HECW1: variants seen among roughly 807,000 people sequenced by gnomAD.
The protein encoded by HECW1 is E3 ubiquitin-protein ligase HECW1.
In HECW1, 61 loss-of-function variants were observed where a neutral mutation model predicts 182.3. The ratio of observed to expected loss-of-function variants is 0.33; its 90% CI spans 0.27 to 0.41. The LOEUF (loss-of-function observed/expected upper bound fraction) is 0.41. HECW1 is among the 10% of genes least tolerant of loss of function. The pLI is 1.00. For missense variants in HECW1, 1,739 were observed against 2,108.9 expected (o/e 0.82, Z 3.44); for synonymous variants, 859 against 832.6 (o/e 1.03, Z -0.55).
chr7:43,381,485 C>T (rs1239590759), intron 6 of HECW1, among the ~76,000 whole-genome samples: 1 of 135,696 alleles, frequency 7.4e-6, no homozygotes, highest in Non-Finnish European at 1.5e-5. Context: ...CCATGCATGG[C>T]TAATTTTTTT....
chr7:43,216,065 C>T (rs551113627), intron 2 of HECW1, among the ~76,000 whole-genome samples: 2 of 152,302 alleles, frequency 1.3e-5, no homozygotes, highest in East Asian at 3.9e-4. Flanking sequence ...CCTATTCTGT[C>T]TGTCATTTTA....
chr7:43,361,073 TGTG>T, intron 6 of HECW1, 93 bp downstream of exon 6: 1 of 723,174 alleles, frequency 1.4e-6, no homozygotes, highest in South Asian at 1.7e-5. Flanking sequence ...TGTGTGTGTG[TGTG>T]TGTGTGTGTG....
At chr7:43,254,848 T>A (rs1800398255) in intron 3 of HECW1, among the ~76,000 whole-genome samples, 1 of 152,108 alleles carries the variant, frequency 6.6e-6, no homozygotes, top group Non-Finnish European at 1.5e-5. Flanking sequence ...TTTGCTAGAG[T>A]CATTTATACA....
intron 16 of HECW1, 114 bp from the exon 17 acceptor site, chr7:43,479,496 G>A: frequency 8.0e-7 from 1 of 1,244,242 alleles, no homozygotes; most frequent in Non-Finnish European, 1.1e-6. Flanking sequence ...GGTAGGGGAG[G>A]CTGGGCAGAA....
intron 2 of HECW1, among the ~76,000 whole-genome samples, chr7:43,129,615 G>A (rs1014067195): frequency 6.6e-6 from 1 of 152,082 alleles, no homozygotes; most frequent in Admixed American, 6.6e-5. Context: ...ATATTAAATA[G>A]GTAATTGAAA....
chr7:43,290,580 T>G (rs757625827), intron 3 of HECW1, among the ~76,000 whole-genome samples: 4 of 152,170 alleles, frequency 2.6e-5, no homozygotes, highest in Non-Finnish European at 5.9e-5. Context: ...GGAATTCCAT[T>G]TTTCAGGTTC....
At position 43,150,377 on chromosome 7, in the gene HECW1, C is replaced by CATTTT. The variant is rs373108013; in HGVS notation, c.-32+36003_-32+36007dup. Among the ~76,000 whole-genome samples, 1,259 of 152,180 alleles carry CATTTT rather than the reference C, an allele frequency of 8.3e-3. 13 individuals are homozygous for CATTTT. Among genetic ancestry groups the CATTTT allele is most frequent in the Admixed American group, 0.029 (443 of 15,278 alleles). On this transcript the variant is annotated intron_variant, in intron 2 of 29. Transcript: ENST00000395891. Reference sequence around the variant, plus strand: ...CCGTCACTGAACCAGCATTTTATTTCATTTTATTTTATTTTATTTTAGATT... The same window carrying CATTTT: ...CCGTCACTGAACCAGCATTTTATTTCATTTTATTTTATTTTATTTTATTTTAGATT...
chr7:43,512,678 A>G lies in HECW1; in HGVS notation c.4019+3557A>G, dbSNP rs1474474592. ...ACTGGAAGAATTATTACTGCTTAACATACACACATTTAATACCGATTGGTT... is the reference window on the plus strand; with the variant it reads ...ACTGGAAGAATTATTACTGCTTAACGTACACACATTTAATACCGATTGGTT... On this transcript the variant is annotated intron_variant, in intron 24 of 29. Coordinates refer to ENST00000395891, the MANE Select transcript of HECW1 (RefSeq NM_015052.5). 3.9e-5 allele frequency among the ~76,000 whole-genome samples: 6 copies of G among 152,250 alleles called. No homozygotes were observed. The East Asian group carries it at 1.2e-3, about 29-fold the overall frequency.
intron 3 of HECW1, among the ~76,000 whole-genome samples, chr7:43,282,398 A>G (rs1177028467): frequency 6.6e-6 from 1 of 152,246 alleles, no homozygotes; most frequent in East Asian, 1.9e-4. Context: ...AGCTGGCGAC[A>G]AGGGTCAGAT....
At chr7:43,316,704 C>T (rs6968255) in intron 4 of HECW1, among the ~76,000 whole-genome samples, 20,491 of 147,464 alleles carry the variant, frequency 0.14, 5,005 homozygotes, top group African/African-American at 0.51. Context: ...ACCCATTCCA[C>T]ACTGAGGTGG....
At chr7:43,119,088 C>G (rs1785331534) in intron 2 of HECW1, 1 of 152,276 alleles carries the variant, frequency 6.6e-6, no homozygotes, top group African/African-American at 2.4e-5. Context: ...AAATATGACA[C>G]ACACCCACCA....
chr7:43,479,571 C>T (rs984986975), intron 16 of HECW1, 39 bp from the exon 17 acceptor site: 6 of 1,612,738 alleles, frequency 3.7e-6, no homozygotes, highest in East Asian at 2.2e-5. Context: ...GGCCTATTCT[C>T]ACACCACACG....
At chr7:43,132,171 C>G (rs1169452435) in intron 2 of HECW1, among the ~76,000 whole-genome samples, 4 of 151,762 alleles carry the variant, frequency 2.6e-5, no homozygotes, top group Non-Finnish European at 4.4e-5. Flanking sequence ...ACAGCGCCCC[C>G]CCGCCCCAAG....
chr7:43,469,921 G>A (rs1160823516), intron 16 of HECW1, among the ~76,000 whole-genome samples: 2 of 152,176 alleles, frequency 1.3e-5, no homozygotes, highest in Non-Finnish European at 2.9e-5. Flanking sequence ...CCCAAAGGGA[G>A]CTGATGGGGC....
intron 2 of HECW1, among the ~76,000 whole-genome samples, chr7:43,125,499 G>T (rs576931251): frequency 1.3e-5 from 2 of 152,060 alleles, no homozygotes; most frequent in African/African-American, 4.8e-5. Context: ...GCTCACGCCT[G>T]TAATCCCAGC....
At chr7:43,247,965 AAG>A (rs1462027203) in intron 3 of HECW1, among the ~76,000 whole-genome samples, 27 of 132,424 alleles carry the variant, frequency 2.0e-4, no homozygotes, top group Non-Finnish European at 3.8e-4. Context: ...AGGAAAGAAA[AAG>A]AGAAAGGAAA....
intron 2 of HECW1, among the ~76,000 whole-genome samples, chr7:43,169,334 C>T (rs56168949): frequency 0.086 from 13,048 of 152,162 alleles, 704 homozygotes; most frequent in African/African-American, 0.15. Flanking sequence ...GGCTGACCTG[C>T]GCATGGCAGG....
At chr7:43,174,727 T>TG (rs1562631907) in intron 2 of HECW1, among the ~76,000 whole-genome samples, 1 of 152,192 alleles carries the variant, frequency 6.6e-6, no homozygotes, top group East Asian at 1.9e-4. Flanking sequence ...GTTTCCTTTT[T>TG]GGGGGATGCA....
rs1275667817 is a variant in HECW1 at position 43,212,988 on chromosome 7, C to G, written c.-31-30887C>G. On this transcript the variant is annotated intron_variant, in intron 2 of 29. Transcript: ENST00000395891. ...GACAGAAGTATATTTAAAGCATGAG[C>G]TAAGATTAAATCATATTATTACAAT... Among the ~76,000 whole-genome samples the G allele has an allele frequency of 2.0e-5, 3 of 151,848 alleles. No homozygotes were observed. In the East Asian group the frequency reaches 5.8e-4, roughly 29 times the overall value.
Sources: gnomAD v4.1 joint callset for allele counts (sites outside exome capture counted in the v4.1 genomes callset) on GRCh38, gnomAD v4.1.1 for gene constraint, MANE v1.5 for transcripts, NCBI Gene and HGNC (gene_info 2026-07-23, HGNC 2026-07-21) for gene names.